MAST4: variants seen among roughly 807,000 people sequenced by gnomAD.
The protein encoded by MAST4 is microtubule associated serine/threonine kinase family member 4.
In MAST4, 89 loss-of-function variants were observed where a neutral mutation model predicts 162.7. That is an observed-to-expected ratio of 0.55 (90% CI 0.46 to 0.65). MAST4 has a LOEUF of 0.65. MAST4 is among the 30% of genes least tolerant of loss of function. MAST4 has a pLI of 0.00. For synonymous variants in MAST4, 1,479 were observed against 1,361.1 expected (o/e 1.09, Z -1.91); for missense variants, 3,153 against 3,374.0 (o/e 0.93, Z 1.62).
chr5:67,078,929 T>TTTATATATTTTTATATAA (rs1561622441), intron 5 of MAST4, among the ~76,000 whole-genome samples: 1 of 67,202 alleles, frequency 1.5e-5, no homozygotes, highest in African/African-American at 8.4e-5. Context: ...TATATATATA[T>TTTATATATTTTTATATAA]ATATATATAT....
chr5:67,022,996 A>G (rs1488871238), intron 4 of MAST4, among the ~76,000 whole-genome samples: 3 of 152,190 alleles, frequency 2.0e-5, no homozygotes, highest in African/African-American at 7.2e-5. Flanking sequence ...TGATGAACAC[A>G]TAGAATCACC....
At position 66,816,511 on chromosome 5, in the gene MAST4, A is replaced by T. The variant is rs1353863042; in HGVS notation, c.642+27717A>T. 2.0e-5 allele frequency among the ~76,000 whole-genome samples: 3 copies of T among 152,198 alleles called. No homozygotes were observed. In the East Asian group the frequency reaches 5.8e-4, roughly 29 times the overall value. ...TTTTATGTAAGAGTGTAGTAAGCAGAAGGAAATTATACTCTGCGAACCTGG... is the reference window on the plus strand; with the variant it reads ...TTTTATGTAAGAGTGTAGTAAGCAGTAGGAAATTATACTCTGCGAACCTGG... On this transcript the variant is annotated intron_variant, in intron 3 of 28. Transcript: ENST00000403625.
chr5:66,832,350 C>G (rs1580570445), intron 3 of MAST4, among the ~76,000 whole-genome samples: 1 of 152,158 alleles, frequency 6.6e-6, no homozygotes, highest in Admixed American at 6.5e-5. Context: ...GTTTAGACTT[C>G]TAGATCTGTG....
intron 2 of MAST4, among the ~76,000 whole-genome samples, chr5:66,764,914 T>TG (rs2149623264): frequency 6.6e-6 from 1 of 152,360 alleles, no homozygotes; most frequent in Non-Finnish European, 1.5e-5. Flanking sequence ...CACTACTCAC[T>TG]GACTCCCTGG....
At chr5:67,106,234 G>A (rs1329031083) in intron 10 of MAST4, among the ~76,000 whole-genome samples, 2 of 151,916 alleles carry the variant, frequency 1.3e-5, no homozygotes, top group Non-Finnish European at 2.9e-5. Context: ...GACTCTAATG[G>A]CTTCAAATCC....
chr5:66,693,888 CA>C (rs1181977454), intron 1 of MAST4, among the ~76,000 whole-genome samples: 2 of 151,832 alleles, frequency 1.3e-5, no homozygotes, highest in African/African-American at 4.8e-5. Context: ...AGTGATCACA[CA>C]AAAAAAGCTT....
At chr5:66,689,604 T>C (rs1748907990) in intron 1 of MAST4, among the ~76,000 whole-genome samples, 2 of 152,318 alleles carry the variant, frequency 1.3e-5, no homozygotes, top group South Asian at 2.1e-4. Flanking sequence ...ATCTGAAATA[T>C]CCATGTGGCT....
At chr5:67,094,078 T>C in intron 6 of MAST4, 1 of 812,808 alleles carries the variant, frequency 1.2e-6, no homozygotes, top group Non-Finnish European at 1.9e-6. Context: ...ATTTCTTTTA[T>C]CTGGTATATT....
chr5:66,849,076 T>C (rs1363019682), intron 3 of MAST4, among the ~76,000 whole-genome samples: 1 of 152,184 alleles, frequency 6.6e-6, no homozygotes, highest in Non-Finnish European at 1.5e-5. Context: ...CCATTATGGA[T>C]GATTAGGGGT....
rs115836461 is a variant in MAST4, at chr5:67,163,655, C to T, written c.4476C>T (p.Asn1492=). The T allele has an allele frequency of 1.7e-4, 269 of 1,607,904 alleles. No homozygotes were observed. The African/African-American group carries it at 3.1e-3, about 18-fold the overall frequency. The change falls in exon 29 of 29, where the codon AAC becomes AAT. Residue 1492 remains asparagine, a synonymous_variant. Coordinates refer to ENST00000403625, the MANE Select transcript of MAST4 (RefSeq NM_001164664.2). The surrounding 1 kb of genome is among the most constrained non-coding windows in gnomAD (Gnocchi z 7.0). ...CGCCGCTGCAGAGCCTGGATGAGAA[C>T]GTGTGCGACGTGCCGCCGCTCAGCC... ...REAPLQSLDE[N]VCDVPPLSRA...
At chr5:66,862,249 A>C (rs555032373) in intron 3 of MAST4, among the ~76,000 whole-genome samples, 2 of 152,328 alleles carry the variant, frequency 1.3e-5, no homozygotes, top group African/African-American at 4.8e-5. Context: ...GTTTACCTTT[A>C]GATTTCCCCG....
intron 3 of MAST4, among the ~76,000 whole-genome samples, chr5:66,801,791 AT>A (rs1430198849): frequency 6.6e-6 from 1 of 152,228 alleles, no homozygotes; most frequent in East Asian, 1.9e-4. Flanking sequence ...AAAGCTAATT[AT>A]GTTAATTAGA....
chr5:67,160,493 A>T lies in MAST4; in HGVS notation c.3686A>T (p.Glu1229Val). ...NKVSITTTPF[E>V]NTSIKTGPAR... ...GTGTCAATCACTACTACCCCATTTGAAAACACATCAATCAAAACTGGACCA... is the reference window on the plus strand; with the variant it reads ...GTGTCAATCACTACTACCCCATTTGTAAACACATCAATCAAAACTGGACCA... The change falls in exon 27 of 29, where the codon GAA (glutamate) becomes GTA (valine). Residue 1229 changes from glutamate (E) to valine (V), a missense_variant. Around this residue, in one of 7 missense-constraint regions of MAST4, gnomAD observed 619 missense variants for 744.2 expected, o/e 0.83. Coordinates refer to ENST00000403625, the MANE Select transcript of MAST4 (RefSeq NM_001164664.2). 6.2e-7 allele frequency: 1 copy of T among 1,613,948 alleles called. No homozygotes were observed. Among genetic ancestry groups the T allele is most frequent in the South Asian group, 1.1e-5 (1 of 91,068 alleles).
intron 1 of MAST4, among the ~76,000 whole-genome samples, chr5:66,736,208 G>A (rs183307178): frequency 6.6e-6 from 1 of 152,242 alleles, no homozygotes; most frequent in Non-Finnish European, 1.5e-5. Context: ...ACCTTGGGCT[G>A]CTTAATGGTG....
intron 1 of MAST4, among the ~76,000 whole-genome samples, chr5:66,695,715 A>T (rs1303469817): frequency 1.3e-5 from 2 of 152,186 alleles, no homozygotes; most frequent in African/African-American, 4.8e-5. Flanking sequence ...GATGCTGGCA[A>T]GGCTGTGGAG....
intron 3 of MAST4, among the ~76,000 whole-genome samples, chr5:66,854,554 TGCTCATAGGACG>T (rs1393545585): frequency 3.9e-5 from 6 of 152,088 alleles, no homozygotes; most frequent in Non-Finnish European, 2.9e-5. Context: ...CATGTTCTTC[TGCTCATAGGACG>T]GCTCATAGCA....
At position 67,078,916 on chromosome 5, in the gene MAST4, ATATATATATATAT is replaced by A. The variant is rs1561622022; in HGVS notation, c.764-11245_764-11233del. On this transcript the variant is annotated intron_variant, in intron 5 of 28. Transcript: ENST00000403625. ...TATTTATATATTTTTATATAAATAT[ATATATATATATAT>A]ATATATATATATATATATATATGGC... Among the ~76,000 whole-genome samples the A allele has an allele frequency of 9.6e-3, 628 of 65,678 alleles. 39 individuals carry two copies. Among genetic ancestry groups the A allele is most frequent in the Non-Finnish European group, 0.011 (434 of 40,134 alleles). 43.1% of individuals were successfully genotyped at this position (65,678 alleles called of 152,430 possible).
chr5:66,976,954 G>A (rs371557425), intron 4 of MAST4, among the ~76,000 whole-genome samples: 1 of 152,050 alleles, frequency 6.6e-6, no homozygotes, highest in African/African-American at 2.4e-5. Flanking sequence ...AAATATAAAA[G>A]GAACTAAATT....
In MAST4 at chr5:67,166,498, C is replaced by A. The variant is rs756670037; in HGVS notation, c.7319C>A (p.Ser2440Tyr). ...EADKPNGMKR[S>Y]PSATGQSSFR... ...GACAAGCCCAATGGCATGAAACGGT[C>A]CCCCTCAGCCACTGGGCAGAGTTCT... The change falls in exon 29 of 29, where the codon TCC (serine) becomes TAC (tyrosine). Residue 2440 changes from serine (S) to tyrosine (Y), a missense_variant. Physicochemically the swap from Ser to Tyr is moderately radical, Grantham distance 144 (BLOSUM62 -2). Around this residue, in one of 7 missense-constraint regions of MAST4, gnomAD observed 1,644 missense variants for 1,495.0 expected, o/e 1.10. Transcript: ENST00000403625. 1 of 1,605,418 alleles carries A rather than the reference C, an allele frequency of 6.2e-7. No individual in the cohort carries two copies. The highest frequency in any genetic ancestry group is 1.1e-5 in the South Asian group (1 of 89,384).
Sources: gnomAD v4.1 joint callset for allele counts (sites outside exome capture counted in the v4.1 genomes callset) on GRCh38, gnomAD v4.1.1 for gene constraint, gnomAD v4.1.1 regional missense constraint, Gnocchi (gnomAD v3.1) non-coding constraint, MANE v1.5 for transcripts, NCBI Gene and HGNC (gene_info 2026-07-23, HGNC 2026-07-21) for gene names.